Variants in PPP1R9A observed in about 807,000 individuals in gnomAD.
PPP1R9A encodes protein phosphatase 1 regulatory subunit 9A.
PPP1R9A carries 59 observed loss-of-function variants against 141.9 expected under a neutral mutation model. The ratio of observed to expected loss-of-function variants is 0.42; its 90% CI spans 0.34 to 0.52. The LOEUF is 0.52. Ranked by LOEUF, PPP1R9A falls within the 20% of genes least tolerant of loss-of-function variation. The pLI is 0.10. For synonymous variants in PPP1R9A, 500 were observed against 569.7 expected, an observed-to-expected ratio of 0.88 and a Z score of 1.74; for missense variants, 1,444 against 1,611.9, an observed-to-expected ratio of 0.90 and a Z score of 1.78.
intron 2 of PPP1R9A, among the ~76,000 whole-genome samples, chr7:94,931,967 C>T (rs529785437): frequency 1.3e-5 from 2 of 152,304 alleles, no homozygotes; most frequent in African/African-American, 4.8e-5. Context: ...ATGGCTATTT[C>T]TTCTTCAGTG....
chr7:94,998,486 T>G (rs900877423), intron 2 of PPP1R9A, among the ~76,000 whole-genome samples: 2 of 152,170 alleles, frequency 1.3e-5, no homozygotes, highest in Admixed American at 1.3e-4. Flanking sequence ...CAGTGTCTGA[T>G]TTTTCTTAGT....
At chr7:95,033,171 A>ATTTTT (rs10709825) in intron 2 of PPP1R9A, among the ~76,000 whole-genome samples, 3 of 103,888 alleles carry the variant, frequency 2.9e-5, no homozygotes, top group Admixed American at 1.1e-4. Flanking sequence ...TGCCTGGCTA[A>ATTTTT]TTTTTTTTTT....
At chr7:95,158,643 A>G (rs1830003145) in intron 4 of PPP1R9A, among the ~76,000 whole-genome samples, 1 of 152,236 alleles carries the variant, frequency 6.6e-6, no homozygotes, top group Non-Finnish European at 1.5e-5. Flanking sequence ...TCAAAGATAT[A>G]TAAAAAGACA....
chr7:95,268,751 A>G, intron 13 of PPP1R9A, 44 bp downstream of exon 13: 3 of 1,590,498 alleles, frequency 1.9e-6, no homozygotes, highest in East Asian at 2.2e-5. Flanking sequence ...GTTGGAGTAT[A>G]TCATTGTTCC....
At chr7:94,967,032 T>G (rs1386869715) in intron 2 of PPP1R9A, among the ~76,000 whole-genome samples, 1 of 152,216 alleles carries the variant, frequency 6.6e-6, no homozygotes, top group African/African-American at 2.4e-5. Context: ...TTCTTCCTGG[T>G]TTAGACTTGG....
rs182096235 is a variant in PPP1R9A at position 95,170,699 on chromosome 7, G to A, written c.1754+8728G>A. ...AAGCTAAAAGAATTCATTACCTGGA[G>A]AATACTATTATAAGAAATGTCAGGG... is the stretch of plus-strand genomic sequence containing the variant. On this transcript the variant is annotated intron_variant, in intron 5 of 19. Transcript: ENST00000433360. 2.5e-3 allele frequency among the ~76,000 whole-genome samples: 383 copies of A among 151,562 alleles called. 11 individuals are homozygous for A. The highest frequency in any genetic ancestry group is 0.023 in the Admixed American group (343 of 15,194).
intron 2 of PPP1R9A, among the ~76,000 whole-genome samples, chr7:94,940,511 G>A (rs1309122613): frequency 6.6e-6 from 1 of 151,862 alleles, no homozygotes; most frequent in Non-Finnish European, 1.5e-5. Context: ...GCTAATCATA[G>A]CTCATAAACA....
At chr7:95,003,084 CT>C (rs1179492363) in intron 2 of PPP1R9A, among the ~76,000 whole-genome samples, 2 of 151,876 alleles carry the variant, frequency 1.3e-5, no homozygotes, top group Admixed American at 1.3e-4. Flanking sequence ...AGAAAATTGC[CT>C]TTTTTAAAAA....
At chr7:95,131,592 G>A (rs570100834) in intron 4 of PPP1R9A, among the ~76,000 whole-genome samples, 31 of 151,574 alleles carry the variant, frequency 2.0e-4, no homozygotes, top group East Asian at 7.7e-4. Context: ...TTTTGCTTAC[G>A]ATTGCTTTGG....
intron 7 of PPP1R9A, among the ~76,000 whole-genome samples, chr7:95,207,496 G>T (rs992009497): frequency 3.3e-5 from 5 of 151,848 alleles, no homozygotes; most frequent in African/African-American, 1.2e-4. Context: ...ATGCAAAAAG[G>T]TCCTAAACAA....
intron 3 of PPP1R9A, among the ~76,000 whole-genome samples, chr7:95,115,646 C>A (rs556211789): frequency 6.6e-6 from 1 of 151,874 alleles, no homozygotes; most frequent in Non-Finnish European, 1.5e-5. Flanking sequence ...AGGCCAGGTG[C>A]GGTGGCTCAT....
rs1798883263 is a variant in PPP1R9A at position 95,251,616 on chromosome 7, A to G, written c.2397-146A>G. 3 of 698,182 alleles carry G rather than the reference A, an allele frequency of 4.3e-6. No homozygotes were observed. In the Admixed American group the frequency reaches 9.5e-5, roughly 22 times the overall value. 43.2% of individuals were successfully genotyped at this position (698,182 alleles called of 1,614,324 possible). Reference sequence around the variant, plus strand: ...TAAAGATGTTTTAGTTTCTTTCATTACTATACTTTTTCCTCTAACTGATTG... The same window carrying G: ...TAAAGATGTTTTAGTTTCTTTCATTGCTATACTTTTTCCTCTAACTGATTG... On this transcript the variant is annotated intron_variant, in intron 10 of 19. Coordinates refer to ENST00000433360, the MANE Select transcript of PPP1R9A (RefSeq NM_001166160.2).
chr7:95,117,795 T>A (rs1369962643), intron 3 of PPP1R9A, among the ~76,000 whole-genome samples: 1 of 152,012 alleles, frequency 6.6e-6, no homozygotes, highest in Non-Finnish European at 1.5e-5. Context: ...AGAAACCCTG[T>A]GAGTATAATG....
chr7:95,198,267 T>C, intron 5 of PPP1R9A, 82 bp from the exon 6 acceptor site: 5 of 1,341,036 alleles, frequency 3.7e-6, no homozygotes, highest in Non-Finnish European at 5.0e-6. Flanking sequence ...TGGACCCTGC[T>C]GAGATCAAAC....
chr7:95,229,766 C>T (rs1795657815), intron 8 of PPP1R9A, among the ~76,000 whole-genome samples: 1 of 152,086 alleles, frequency 6.6e-6, no homozygotes, highest in Admixed American at 6.6e-5. Flanking sequence ...GAATACTTGA[C>T]CAGGTGTTCC....
intron 9 of PPP1R9A, among the ~76,000 whole-genome samples, 194 bp from the exon 10 acceptor site, chr7:95,249,832 A>G (rs906298220): frequency 6.6e-6 from 1 of 152,188 alleles, no homozygotes; most frequent in Non-Finnish European, 1.5e-5. Flanking sequence ...GACCTTGGAC[A>G]AATCATTTCA....
chr7:95,181,310 A>G (rs1039282013), intron 5 of PPP1R9A, among the ~76,000 whole-genome samples: 1 of 141,752 alleles, frequency 7.1e-6, no homozygotes, highest in Admixed American at 7.4e-5. Context: ...TAGAGAGAAT[A>G]TATATAGAAT....
At chr7:95,233,422 G>C (rs1412252360) in intron 8 of PPP1R9A, among the ~76,000 whole-genome samples, 1 of 152,024 alleles carries the variant, frequency 6.6e-6, no homozygotes, top group East Asian at 1.9e-4. Context: ...TGTAGATGAT[G>C]GGTTGATGGG....
intron 4 of PPP1R9A, among the ~76,000 whole-genome samples, chr7:95,132,257 T>C (rs1824786763): frequency 6.6e-6 from 1 of 152,172 alleles, no homozygotes; most frequent in South Asian, 2.1e-4. Flanking sequence ...ACCCTTATCT[T>C]GTTCCAGTTT....
Sources: gnomAD v4.1 joint callset for allele counts (sites outside exome capture counted in the v4.1 genomes callset) on GRCh38, gnomAD v4.1.1 for gene constraint, MANE v1.5 for transcripts, NCBI Gene and HGNC (gene_info 2026-07-23, HGNC 2026-07-21) for gene names.